Variants in CFAP126 observed in about 807,000 individuals in gnomAD.
CFAP126 encodes protein Flattop.
In CFAP126, 21 loss-of-function variants were observed where a neutral mutation model predicts 17.1. The observed-to-expected ratio is 1.23, with a 90% CI of 0.87 to 1.77. The LOEUF (loss-of-function observed/expected upper bound fraction) is 1.77. Ranked by LOEUF, CFAP126 falls within the 40% of genes most tolerant of loss-of-function variation. The pLI, the probability that CFAP126 is intolerant of heterozygous loss-of-function variation, is 0.00. For synonymous variants in CFAP126, 65 were observed against 73.5 expected, an observed-to-expected ratio of 0.88 and a Z score of 0.59; for missense variants, 174 against 215.4, an observed-to-expected ratio of 0.81 and a Z score of 1.20.
intron 2 of CFAP126, 59 bp downstream of exon 2, chr1:161,366,380 G>A (rs1403493629): frequency 3.8e-6 from 6 of 1,574,940 alleles, no homozygotes; most frequent in Non-Finnish European, 5.2e-6. Flanking sequence ...AATGCTAAAA[G>A]GAGTTAATTG....
chr1:161,364,815 G>T lies in CFAP126; in HGVS notation c.*150C>A. 1.3e-6 allele frequency: 1 copy of T among 758,928 alleles called. No homozygotes were observed. The highest frequency in any genetic ancestry group is 2.1e-6 in the Non-Finnish European group (1 of 485,046). 47.0% of individuals were successfully genotyped at this position (758,928 alleles called of 1,614,324 possible). On this transcript the variant is annotated 3_prime_UTR_variant, in exon 5 of 5. Coordinates refer to ENST00000367974, the MANE Select transcript of CFAP126 (RefSeq NM_001013625.4). ...TTTCCCTGTTTCACAGTTCTGACTG[G>T]GGGCTCTTGTTTATTTCACTGAGTC...
Position 161,364,816 on chromosome 1 carries a change from G to C in CFAP126, c.*149C>G. 1 of 764,046 alleles carries C rather than the reference G, an allele frequency of 1.3e-6. No homozygotes were observed. The allele number at this position is 764,046 out of a possible 1,614,324, so 47.3% of individuals were successfully genotyped here. A position where few individuals can be genotyped will look rare whatever the true frequency, so the allele number is the denominator to read the frequency against. ...TTCCCTGTTTCACAGTTCTGACTGG[G>C]GGCTCTTGTTTATTTCACTGAGTCG... is the stretch of plus-strand genomic sequence containing the variant. On this transcript the variant is annotated 3_prime_UTR_variant, in exon 5 of 5. Transcript: ENST00000367974.
In CFAP126 at chr1:161,365,120, TG is replaced by T; in HGVS notation, c.378del (p.Arg127GlufsTer17). On this transcript the variant is annotated frameshift_variant, in exon 5 of 5. Coordinates refer to ENST00000367974, the MANE Select transcript of CFAP126 (RefSeq NM_001013625.4). LOFTEE classifies it low-confidence loss of function (END_TRUNC). ...KPHDPDSQKKLRKKSITKTVQ... is the reference protein window; with the variant it reads ...KPHDPDSQKKXRKKSITKTVQ... ...ACAGTCTTTGTGATAGACTTCTTTC[TG>T]AGTTTCTTCTGACTGTCTGGATCAT... 6.2e-7 allele frequency: 1 copy of T among 1,614,174 alleles called. No homozygotes were observed.
chr1:161,366,673 A>C, intron 1 of CFAP126, 172 bp from the exon 2 acceptor site: 1 of 636,852 alleles, frequency 1.6e-6, no homozygotes. Context: ...GCTGTCCAGC[A>C]TGGAGCCGGG....
Position 161,364,931 on chromosome 1 carries a change from G to T in CFAP126, c.*34C>A, listed in dbSNP as rs771262299. 3.8e-6 allele frequency: 6 copies of T among 1,595,212 alleles called. No individual in the cohort carries two copies. The East Asian group carries it at 1.1e-4, about 30-fold the overall frequency. On this transcript the variant is annotated 3_prime_UTR_variant, in exon 5 of 5. Coordinates refer to ENST00000367974, the MANE Select transcript of CFAP126 (RefSeq NM_001013625.4). ...CCTCAGCTAGATTAGGCCCTGCCCA[G>T]AGTTCTAGCATACGTGGACTTCCAG...
At position 161,364,987 on chromosome 1, in the gene CFAP126, G is replaced by A. The variant is rs757139890; in HGVS notation, c.512C>T (p.Pro171Leu). 1 of 1,614,168 alleles carries A rather than the reference G, an allele frequency of 6.2e-7. No homozygotes were observed. The highest frequency in any genetic ancestry group is 8.5e-7 in the Non-Finnish European group (1 of 1,180,042). The change falls in exon 5 of 5, where the codon CCC (proline) becomes CTC (leucine). Residue 171 changes from proline to leucine, a missense_variant. Pro to Leu is a moderately conservative substitution (Grantham distance 98). Coordinates refer to ENST00000367974, the MANE Select transcript of CFAP126 (RefSeq NM_001013625.4). ...SHPSAGHTPG[P>L]QRPAKS is the part of the protein sequence containing the mutation. Reference sequence around the variant, plus strand: ...CTCTTAGGATTTGGCTGGTCTTTGGGGACCTGGAGTATGACCTGCAGAGGG... The same window carrying A: ...CTCTTAGGATTTGGCTGGTCTTTGGAGACCTGGAGTATGACCTGCAGAGGG...
At position 161,364,991 on chromosome 1, in the gene CFAP126, C is replaced by T; in HGVS notation, c.508G>A (p.Gly170Ser). The T allele has an allele frequency of 6.2e-7, 1 of 1,614,162 alleles. No individual in the cohort carries two copies. Among genetic ancestry groups the T allele is most frequent in the Non-Finnish European group, 8.5e-7 (1 of 1,180,042 alleles). The change falls in exon 5 of 5, where the codon GGT becomes AGT. Residue 170 changes from glycine (G) to serine (S), a missense_variant. Gly to Ser is a moderately conservative substitution (Grantham distance 56). Transcript: ENST00000367974. Reference protein sequence around the residue: ...SSHPSAGHTPGPQRPAKS With the variant: ...SSHPSAGHTPSPQRPAKS ...TAGGATTTGGCTGGTCTTTGGGGACCTGGAGTATGACCTGCAGAGGGGTGT... is the reference window on the plus strand; with the variant it reads ...TAGGATTTGGCTGGTCTTTGGGGACTTGGAGTATGACCTGCAGAGGGGTGT...
intron 1 of CFAP126, chr1:161,366,921 A>G (rs1334399474): frequency 1.1e-5 from 2 of 190,248 alleles, no homozygotes; most frequent in Non-Finnish European, 2.2e-5. Context: ...CTACAGGTGC[A>G]TGCCACCATG....
chr1:161,366,207 G>C lies in CFAP126; in HGVS notation c.162C>G (p.Pro54=), dbSNP rs755508651. ...NDRGHLLPSV[P]RSKANPWGSF... is the part of the protein sequence containing the mutation. The stretch of plus-strand genomic sequence containing the variant: ...GAAGATAGTATCTCACCTTGGAACG[G>C]GGCACAGAAGGCAGTAGATGACCAC... The change falls in exon 3 of 5, where the codon CCC becomes CCG. Residue 54 remains proline (P), a synonymous_variant. Coordinates refer to ENST00000367974, the MANE Select transcript of CFAP126 (RefSeq NM_001013625.4). The C allele has an allele frequency of 2.9e-5, 47 of 1,609,906 alleles. No homozygotes were observed. The highest frequency in any genetic ancestry group is 3.4e-5 in the Non-Finnish European group (40 of 1,176,316).
intron 4 of CFAP126, 39 bp downstream of exon 4, chr1:161,365,487 A>G (rs376022903): frequency 1.2e-6 from 2 of 1,604,392 alleles, no homozygotes; most frequent in Non-Finnish European, 1.7e-6. Flanking sequence ...AAAGAAATTG[A>G]GACTACAGGG....
At chr1:161,366,091 A>T in intron 3 of CFAP126, 107 bp downstream of exon 3, 1 of 956,772 alleles carries the variant, frequency 1.0e-6, no homozygotes, top group Non-Finnish European at 1.7e-6. Flanking sequence ...AACATGAATT[A>T]GATTAAACTT....
chr1:161,365,577 A>AT lies in CFAP126; in HGVS notation c.296dup (p.Asn99LysfsTer3), dbSNP rs1672700895. 6.2e-7 allele frequency: 1 copy of AT among 1,613,926 alleles called. No homozygotes were observed. Among genetic ancestry groups the AT allele is most frequent in the Non-Finnish European group, 8.5e-7 (1 of 1,179,988 alleles). ...CATTGGAGGCCTTGAGTAAATCAGG[A>AT]TTTTTCTGTATCCATTTGGTGAGGG... On this transcript the variant is annotated frameshift_variant, in exon 4 of 5. Coordinates refer to ENST00000367974, the MANE Select transcript of CFAP126 (RefSeq NM_001013625.4). LOFTEE classifies it high-confidence loss of function.
rs780823798 is a variant in CFAP126 at position 161,365,646 on chromosome 1, AG to A, written c.227del (p.Pro76LeufsTer4). On this transcript the variant is annotated frameshift_variant, in exon 4 of 5. Coordinates refer to ENST00000367974, the MANE Select transcript of CFAP126 (RefSeq NM_001013625.4). LOFTEE classifies it high-confidence loss of function. ...GTWQMPLKIPPARVTLTSRTT... is the reference protein window; with the variant it reads ...GTWQMPLKIPXARVTLTSRTT... ...TACGGGAGGTCAGGGTCACCCGAGC[AG>A]GGGGTATCTTCAGAGGCATTTGCCA... 6.2e-7 allele frequency: 1 copy of A among 1,613,686 alleles called. No homozygotes were observed.
At position 161,364,941 on chromosome 1, in the gene CFAP126, A is replaced by G. The variant is rs774572772; in HGVS notation, c.*24T>C. On this transcript the variant is annotated 3_prime_UTR_variant, in exon 5 of 5. Transcript: ENST00000367974. ...ATTAGGCCCTGCCCAGAGTTCTAGC[A>G]TACGTGGACTTCCAGGTGGGCTCTT... is the stretch of plus-strand genomic sequence containing the variant. 7 of 1,606,306 alleles carry G rather than the reference A, an allele frequency of 4.4e-6. No homozygotes were observed. The African/African-American group carries it at 6.7e-5, about 15-fold the overall frequency.
rs1203451299 is a variant in CFAP126, at chr1:161,365,632, AGGGTC to A, written c.237_241del (p.Thr80AspfsTer20). On this transcript the variant is annotated frameshift_variant, in exon 4 of 5. Coordinates refer to ENST00000367974, the MANE Select transcript of CFAP126 (RefSeq NM_001013625.4). LOFTEE classifies it high-confidence loss of function. ...AGCACCAGCAGTTGTACGGGAGGTC[AGGGTC>A]ACCCGAGCAGGGGGTATCTTCAGAG... 3.1e-6 allele frequency: 5 copies of A among 1,614,086 alleles called. No individual in the cohort carries two copies. The East Asian group carries it at 1.1e-4, about 36-fold the overall frequency.
rs1672701396 is a variant in CFAP126, at chr1:161,365,591, A to G, written c.283T>C (p.Trp95Arg). The change falls in exon 4 of 5, where the codon TGG becomes CGG. Residue 95 changes from tryptophan (W) to arginine (R), a missense_variant. Trp to Arg is a moderately radical substitution (Grantham distance 101). Transcript: ENST00000367974. ...AGTAAATCAGGATTTTTCTGTATCC[A>G]TTTGGTGAGGGAGGCAGCACCAGCA... ...TTAGAASLTK[W>R]IQKNPDLLKA... is the part of the protein sequence containing the mutation. 1.2e-6 allele frequency: 2 copies of G among 1,614,022 alleles called. No homozygotes were observed. Among genetic ancestry groups the G allele is most frequent in the Non-Finnish European group, 1.7e-6 (2 of 1,180,008 alleles).
At chr1:161,366,748 G>T in intron 1 of CFAP126, 1 of 511,364 alleles carries the variant, frequency 2.0e-6, no homozygotes, top group Admixed American at 3.7e-5. Flanking sequence ...TTGTAAATAT[G>T]AAATATGCTG....
intron 4 of CFAP126, 112 bp from the exon 5 acceptor site, chr1:161,365,262 C>CAAATAAGAAAAGTTTCAAATAAGAAAAT: frequency 8.7e-7 from 1 of 1,147,786 alleles, no homozygotes; most frequent in Non-Finnish European, 1.2e-6. Flanking sequence ...GGCAGTAGAT[C>CAAATAAGAAAAGTTTCAAATAAGAAAAT]AAGTTTCAAA....
At chr1:161,366,338 G>A in intron 2 of CFAP126, 60 bp from the exon 3 acceptor site, 2 of 1,570,510 alleles carry the variant, frequency 1.3e-6, no homozygotes, top group Non-Finnish European at 1.8e-6. Flanking sequence ...TATTTGGGGA[G>A]CTTGGTCAGA....
Sources: allele counts gnomAD v4.1 joint callset, GRCh38; gene constraint gnomAD v4.1.1; transcripts MANE v1.5; gene names NCBI Gene and HGNC (gene_info 2026-07-23, HGNC 2026-07-21).